The following NKD2 variants were observed in gnomAD, a reference collection of about 807,000 sequenced individuals.
The protein encoded by NKD2 is protein naked cuticle homolog 2.
Under a neutral mutation model 34.8 loss-of-function variants are expected in NKD2, and 43 were observed. That is an observed-to-expected ratio of 1.24 (90% CI 0.97 to 1.60). The LOEUF is 1.60. Ranked by LOEUF, NKD2 falls within the 40% of genes most tolerant of loss-of-function variation. The pLI, the probability that NKD2 is intolerant of heterozygous loss-of-function variation, is 0.00. For synonymous variants in NKD2, 278 were observed against 265.1 expected (o/e 1.05, Z -0.47); for missense variants, 675 against 627.1 (o/e 1.08, Z -0.82).
chr5:1,022,720 G>A (rs1756257927), intron 3 of NKD2, among the ~76,000 whole-genome samples: 2 of 7,516 alleles, frequency 2.7e-4, no homozygotes, highest in African/African-American at 2.9e-4. Flanking sequence ...GGGTGTCCCA[G>A]CCCTTTGTCC....
intron 3 of NKD2, among the ~76,000 whole-genome samples, chr5:1,025,946 C>A (rs866141849): frequency 5.9e-5 from 4 of 67,232 alleles, no homozygotes; most frequent in Non-Finnish European, 9.9e-5. Flanking sequence ...TCTTCCCACC[C>A]GCTGTGGGCG....
chr5:1,033,897 C>T (rs1214086643), intron 5 of NKD2, among the ~76,000 whole-genome samples: 1 of 152,208 alleles, frequency 6.6e-6, no homozygotes, highest in Non-Finnish European at 1.5e-5. Flanking sequence ...TCTCCGTGTC[C>T]AGTCAAGATT....
chr5:1,018,402 C>G (rs1238692973), intron 3 of NKD2, among the ~76,000 whole-genome samples: 3 of 152,234 alleles, frequency 2.0e-5, no homozygotes, highest in Non-Finnish European at 4.4e-5. Flanking sequence ...TCCTCTCCTC[C>G]CATTGATTTG....
chr5:1,036,368 G>A lies in NKD2; in HGVS notation c.771G>A (p.Thr257=), dbSNP rs750644190. The part of the protein sequence containing the change: ...YLDLAGIENY[T]SRFGPGSPPV... Reference sequence around the variant, plus strand: ...ACCTCGCCGGGATTGAGAACTACACGTCCAGATTCGGCCCTGGTAGGTCCT... The same window carrying A: ...ACCTCGCCGGGATTGAGAACTACACATCCAGATTCGGCCCTGGTAGGTCCT... Residue 257 remains threonine (T), a synonymous_variant, in exon 9 of 10, where the codon ACG becomes ACA. Transcript: ENST00000296849. The A allele has an allele frequency of 6.2e-6, 10 of 1,612,664 alleles. No individual in the cohort carries two copies. Among genetic ancestry groups the A allele is most frequent in the South Asian group, 1.1e-5 (1 of 91,044 alleles).
In NKD2 at chr5:1,034,891, C is replaced by G. The variant is rs780433973; in HGVS notation, c.562C>G (p.Pro188Ala). 35 of 1,609,898 alleles carry G rather than the reference C, an allele frequency of 2.2e-5. No individual in the cohort carries two copies. The highest frequency in any genetic ancestry group is 4.4e-5 in the South Asian group (4 of 90,616). The change falls in exon 7 of 10, where the codon CCT (proline) becomes GCT (alanine). Residue 188 changes from proline (P) to alanine (A), a missense_variant. Physicochemically the swap from Pro to Ala is conservative, Grantham distance 27. Transcript: ENST00000296849. The stretch of plus-strand genomic sequence containing the variant: ...CTCCAGCAAGAGGAAGGAGGGTCCT[C>G]CTGCTGGCCAGGGTGAGTGAGGCCT... ...EPSSKRKEGPPAGQDREPTRC... is the reference protein window; with the variant it reads ...EPSSKRKEGPAAGQDREPTRC...
In NKD2 at chr5:1,038,547, A is replaced by C; in HGVS notation, c.*174A>C. ...GCATGATGGAGGTGGTGCACCTTGG[A>C]CACGTGGACAAGGCCCAGGCGCCCT... On this transcript the variant is annotated 3_prime_UTR_variant, in exon 10 of 10. Transcript: ENST00000296849. The surrounding 1 kb of genome is among the most constrained non-coding windows in gnomAD (Gnocchi z 4.5). The C allele has an allele frequency of 7.4e-7, 1 of 1,351,514 alleles. No individual in the cohort carries two copies. Among genetic ancestry groups the C allele is most frequent in the Non-Finnish European group, 1.0e-6 (1 of 980,322 alleles). 83.7% of individuals were successfully genotyped at this position (1,351,514 alleles called of 1,614,324 possible). A position where few individuals can be genotyped will look rare whatever the true frequency, so the allele number is the denominator to read the frequency against.
In NKD2 at chr5:1,034,027, TG is replaced by T. The variant is rs1407154364; in HGVS notation, c.331-205del. 5.1e-6 allele frequency: 3 copies of T among 592,688 alleles called. No individual in the cohort carries two copies. In the East Asian group the frequency reaches 8.5e-5, roughly 17 times the overall value. 36.7% of individuals were successfully genotyped at this position (592,688 alleles called of 1,614,324 possible). A position where few individuals can be genotyped will look rare whatever the true frequency, so the allele number is the denominator to read the frequency against. ...GGAACCGAATCACAGGGCACAAAGCTGGGTCCCCCCAAGAAGGGCTGGAGCT... is the reference window on the plus strand; with the variant it reads ...GGAACCGAATCACAGGGCACAAAGCTGGTCCCCCCAAGAAGGGCTGGAGCT... On this transcript the variant is annotated intron_variant, in intron 5 of 9. Transcript: ENST00000296849.
rs561031561 is a variant in NKD2, at chr5:1,030,023, G to C, written c.142-2129G>C. On this transcript the variant is annotated intron_variant, in intron 3 of 9. Coordinates refer to ENST00000296849, the MANE Select transcript of NKD2 (RefSeq NM_033120.4). ...GAGGGGGGATTGTGGTGCGGGGGGGGGGGTACTGAGAACCCTGGGGGCTTC... is the reference window on the plus strand; with the variant it reads ...GAGGGGGGATTGTGGTGCGGGGGGGCGGGTACTGAGAACCCTGGGGGCTTC... 2.2e-4 allele frequency among the ~76,000 whole-genome samples: 33 copies of C among 150,722 alleles called. 1 individual carries two copies. Among genetic ancestry groups the C allele is most frequent in the African/African-American group, 4.9e-4 (20 of 40,684 alleles).
chr5:1,020,557 C>T (rs777826210), intron 3 of NKD2, among the ~76,000 whole-genome samples: 14 of 151,944 alleles, frequency 9.2e-5, no homozygotes, highest in Non-Finnish European at 1.6e-4. Flanking sequence ...CTCCCATCCG[C>T]GTCGGTTAAT....
Position 1,037,886 on chromosome 5 carries a change from A to G in NKD2, c.869A>G (p.Asp290Gly). 5.0e-6 allele frequency: 8 copies of G among 1,605,626 alleles called. No individual in the cohort carries two copies. The highest frequency in any genetic ancestry group is 5.9e-6 in the Non-Finnish European group (7 of 1,179,226). The change falls in exon 10 of 10, where the codon GAT (aspartate) becomes GGT (glycine). Residue 290 changes from aspartate (D) to glycine (G), a missense_variant. Coordinates refer to ENST00000296849, the MANE Select transcript of NKD2 (RefSeq NM_033120.4). Reference sequence around the variant, plus strand: ...GCCCGGTCCCGCTCCCAGGAGCCAGATACACATGCCGTACACCACCGCAGG... The same window carrying G: ...GCCCGGTCCCGCTCCCAGGAGCCAGGTACACATGCCGTACACCACCGCAGG... ...LQARSRSQEP[D>G]THAVHHRRSQ...
chr5:1,026,735 CACTT>C (rs1756427776), intron 3 of NKD2, among the ~76,000 whole-genome samples: 1 of 152,264 alleles, frequency 6.6e-6, no homozygotes, highest in Non-Finnish European at 1.5e-5. Flanking sequence ...GCCAGGCACT[CACTT>C]CATTCTACCA....
chr5:1,021,391 C>G (rs1478509799), intron 3 of NKD2, among the ~76,000 whole-genome samples: 1 of 116,256 alleles, frequency 8.6e-6, no homozygotes, highest in Non-Finnish European at 1.8e-5. Context: ...CACCCACCCA[C>G]CCGTCCCAAC....
chr5:1,030,527 A>AC (rs111452070), intron 3 of NKD2, among the ~76,000 whole-genome samples: 6,282 of 152,266 alleles, frequency 0.041, 144 homozygotes, highest in African/African-American at 0.057. Context: ...CTGCAGCCTC[A>AC]CCCATTATTC....
intron 4 of NKD2, among the ~76,000 whole-genome samples, chr5:1,032,953 C>T (rs1282507907): frequency 6.6e-6 from 1 of 152,240 alleles, no homozygotes; most frequent in Non-Finnish European, 1.5e-5. Flanking sequence ...CCTGTTGACA[C>T]ACTCAGTGCA....
chr5:1,011,584 C>T (rs1560981507), intron 3 of NKD2, among the ~76,000 whole-genome samples: 1 of 152,246 alleles, frequency 6.6e-6, no homozygotes, highest in Non-Finnish European at 1.5e-5. Flanking sequence ...TCCTTCCCTT[C>T]TCCAAAGTCC....
intron 3 of NKD2, among the ~76,000 whole-genome samples, chr5:1,028,220 C>T (rs1218857306): frequency 3.3e-5 from 5 of 152,018 alleles, no homozygotes; most frequent in East Asian, 1.9e-4. Flanking sequence ...GTGGCGGGGA[C>T]GTGGACGGTG....
In NKD2 at chr5:1,015,687, G is replaced by A. The variant is rs115322318; in HGVS notation, c.141+6127G>A. Among the ~76,000 whole-genome samples, 561 of 152,316 alleles carry A rather than the reference G, an allele frequency of 3.7e-3. 2 individuals carry two copies. Among genetic ancestry groups the A allele is most frequent in the African/African-American group, 0.013 (522 of 41,562 alleles). On this transcript the variant is annotated intron_variant, in intron 3 of 9. Transcript: ENST00000296849. ...TCAGCATTTAGAGGCGGTCCTGCCCGCACATGCTGCCGCCAGCATTTCAGG... is the reference window on the plus strand; with the variant it reads ...TCAGCATTTAGAGGCGGTCCTGCCCACACATGCTGCCGCCAGCATTTCAGG...
chr5:1,009,672 A>G lies in NKD2; in HGVS notation c.141+112A>G. ...GCGGACAGGCGAGACGTGGGCCGCC[A>G]TGGCCGCACGAGTGACCGGGGGCCA... On this transcript the variant is annotated intron_variant, in intron 3 of 9. Coordinates refer to ENST00000296849, the MANE Select transcript of NKD2 (RefSeq NM_033120.4). This position sits in a 1 kb window ranked among gnomAD's most constrained non-coding sequence, Gnocchi z 6.9. The G allele has an allele frequency of 1.1e-6, 1 of 885,108 alleles. No individual in the cohort carries two copies. Among genetic ancestry groups the G allele is most frequent in the South Asian group, 2.2e-5 (1 of 45,190 alleles). 54.8% of individuals were successfully genotyped at this position (885,108 alleles called of 1,614,324 possible). A position where few individuals can be genotyped will look rare whatever the true frequency, so the allele number is the denominator to read the frequency against.
rs114282654 is a variant in NKD2, at chr5:1,038,585, C to G, written c.*212C>G. 2 of 939,480 alleles carry G rather than the reference C, an allele frequency of 2.1e-6. No individual in the cohort carries two copies. The highest frequency in any genetic ancestry group is 4.0e-5 in the Admixed American group (2 of 49,684). The allele number at this position is 939,480 out of a possible 1,614,324, so 58.2% of individuals were successfully genotyped here. ...GCCCAGGCGCCCTCTGCTCTTCTGC[C>G]CTCGATGCCACATGGCGGTGAACAC... On this transcript the variant is annotated 3_prime_UTR_variant, in exon 10 of 10. Transcript: ENST00000296849. This position sits in a 1 kb window ranked among gnomAD's most constrained non-coding sequence, Gnocchi z 4.5.
Sources: gnomAD v4.1 joint callset for allele counts (sites outside exome capture counted in the v4.1 genomes callset) on GRCh38, gnomAD v4.1.1 for gene constraint, Gnocchi (gnomAD v3.1) non-coding constraint, MANE v1.5 for transcripts, NCBI Gene and HGNC (gene_info 2026-07-23, HGNC 2026-07-21) for gene names.